The following TMEM132C variants were observed in gnomAD, a reference collection of about 807,000 sequenced individuals.
TMEM132C encodes transmembrane protein 132C, also known as protein phosphatase 1, regulatory subunit 152.
Under a neutral mutation model 61.4 loss-of-function variants are expected in TMEM132C, and 29 were observed. The observed-to-expected ratio is 0.47, with a 90% confidence interval of 0.35 to 0.64. TMEM132C has a LOEUF of 0.64. TMEM132C is among the 30% of genes least tolerant of loss of function. The probability of loss-of-function intolerance (pLI) is 0.00; values close to 1 mark genes in which losing one functional copy is unlikely to be tolerated. For synonymous variants in TMEM132C, 656 were observed against 633.1 expected (o/e 1.04, Z -0.54); for missense variants, 1,408 against 1,476.9 (o/e 0.95, Z 0.76).
At chr12:128,508,987 C>T (rs1216698719) in intron 2 of TMEM132C, among the ~76,000 whole-genome samples, 1 of 152,188 alleles carries the variant, frequency 6.6e-6, no homozygotes, top group Non-Finnish European at 1.5e-5. Flanking sequence ...TTCACATCTG[C>T]AAATCCAGGC....
At chr12:128,490,816 G>A (rs751366464) in intron 2 of TMEM132C, among the ~76,000 whole-genome samples, 2 of 152,184 alleles carry the variant, frequency 1.3e-5, no homozygotes, top group Non-Finnish European at 2.9e-5. Context: ...GTTTCGTAAA[G>A]AGAATAGTGA....
At chr12:128,506,707 C>T (rs929064348) in intron 2 of TMEM132C, among the ~76,000 whole-genome samples, 1 of 152,132 alleles carries the variant, frequency 6.6e-6, no homozygotes, top group Non-Finnish European at 1.5e-5. Context: ...CCCCATGCAC[C>T]ATCCCAGTGG....
At position 128,635,040 on chromosome 12, in the gene TMEM132C, A is replaced by AT. The variant is rs773440063; in HGVS notation, c.1305+18706dup. 7.2e-4 allele frequency among the ~76,000 whole-genome samples: 109 copies of AT among 152,360 alleles called. 1 individual carries two copies. The Middle Eastern group carries it at 0.01, about 14-fold the overall frequency. The stretch of plus-strand genomic sequence containing the variant: ...AAATGCTGGGCTGGTGTGTGTGCAC[A>AT]TATCACCCACAAAAAATAATGGGGA... On this transcript the variant is annotated intron_variant, in intron 4 of 8. Coordinates refer to ENST00000435159, the MANE Select transcript of TMEM132C (RefSeq NM_001136103.3).
chr12:128,417,093 C>T (rs1490039748), intron 2 of TMEM132C, among the ~76,000 whole-genome samples: 1 of 152,130 alleles, frequency 6.6e-6, no homozygotes, highest in Non-Finnish European at 1.5e-5. Context: ...GGTCTGAATA[C>T]TGGGTTTGTT....
intron 1 of TMEM132C, among the ~76,000 whole-genome samples, chr12:128,282,190 CA>C (rs1013104306): frequency 1.3e-5 from 2 of 152,188 alleles, no homozygotes; most frequent in African/African-American, 4.8e-5. Flanking sequence ...TTCTTACAAA[CA>C]AGACATTCTC....
chr12:128,509,767 C>T (rs999712125), intron 2 of TMEM132C, among the ~76,000 whole-genome samples: 1 of 152,136 alleles, frequency 6.6e-6, no homozygotes, highest in South Asian at 2.1e-4. Flanking sequence ...TCCAGGTCGG[C>T]TCTTGGTGGA....
chr12:128,547,565 C>CAAAAAAAAA (rs34135152), intron 3 of TMEM132C, among the ~76,000 whole-genome samples: 1 of 67,624 alleles, frequency 1.5e-5, no homozygotes, highest in Non-Finnish European at 3.3e-5. Flanking sequence ...CTCTGTCTCA[C>CAAAAAAAAA]AAAAAAAAAA....
chr12:128,691,365 ATGACTGTCCTGAAG>A (rs1954718079), intron 5 of TMEM132C, among the ~76,000 whole-genome samples: 2 of 152,238 alleles, frequency 1.3e-5, no homozygotes, highest in Non-Finnish European at 2.9e-5. Flanking sequence ...AAGATCCTTG[ATGACTGTCCTGAAG>A]CAGGCATCCC....
At chr12:128,276,447 A>G (rs1461367832) in intron 1 of TMEM132C, among the ~76,000 whole-genome samples, 2 of 152,220 alleles carry the variant, frequency 1.3e-5, no homozygotes, top group Non-Finnish European at 2.9e-5. Context: ...CCAAAGGTTT[A>G]TATTCTGAGA....
rs12320780 is a variant in TMEM132C, at chr12:128,551,217, C to T, written c.1121+7114C>T. The stretch of plus-strand genomic sequence containing the variant: ...CTCTCAGAAACATAAGAGCCCCCCC[C>T]CTCCCGCTTCCTCCCCTGGTGAAAT... On this transcript the variant is annotated intron_variant, in intron 3 of 8. Transcript: ENST00000435159. Among the ~76,000 whole-genome samples the T allele has an allele frequency of 5.9e-4, 85 of 143,782 alleles. 1 individual carries two copies. The South Asian group carries it at 0.012, about 20-fold the overall frequency. 94.3% of individuals were successfully genotyped at this position (143,782 alleles called of 152,430 possible).
intron 1 of TMEM132C, among the ~76,000 whole-genome samples, chr12:128,320,893 T>G (rs572615819): frequency 6.7e-6 from 1 of 149,444 alleles, no homozygotes; most frequent in Non-Finnish European, 1.5e-5. Context: ...AGAAATGAGA[T>G]GCCATCACCA....
intron 4 of TMEM132C, among the ~76,000 whole-genome samples, chr12:128,643,478 G>A (rs1268079478): frequency 6.6e-6 from 1 of 152,078 alleles, no homozygotes; most frequent in Admixed American, 6.6e-5. Flanking sequence ...CTCACCGAGA[G>A]CAGAGAAAAA....
chr12:128,520,621 G>T (rs1032924484), intron 2 of TMEM132C, among the ~76,000 whole-genome samples: 1 of 152,156 alleles, frequency 6.6e-6, no homozygotes, highest in Non-Finnish European at 1.5e-5. Flanking sequence ...GCATCATAAG[G>T]TATCCAGCAG....
Position 128,576,780 on chromosome 12 carries a change from G to A in TMEM132C, c.1121+32677G>A, listed in dbSNP as rs576447713. Among the ~76,000 whole-genome samples, 78 of 152,320 alleles carry A rather than the reference G, an allele frequency of 5.1e-4. 1 individual carries two copies. Among genetic ancestry groups the A allele is most frequent in the Non-Finnish European group, 9.1e-4 (62 of 68,030 alleles). On this transcript the variant is annotated intron_variant, in intron 3 of 8. Transcript: ENST00000435159. ...CTCCCAGGCCCATGCTTTGGTTGTC[G>A]ACATTGTTGTTGTTGTTGTTGACGA...
intron 2 of TMEM132C, among the ~76,000 whole-genome samples, chr12:128,498,843 T>G (rs1348892428): frequency 6.6e-6 from 1 of 150,734 alleles, no homozygotes; most frequent in Non-Finnish European, 1.5e-5. Context: ...CCCTGAAAAC[T>G]AAAAAAAAAC....
intron 2 of TMEM132C, among the ~76,000 whole-genome samples, chr12:128,418,103 G>C (rs539766689): frequency 6.6e-6 from 1 of 152,282 alleles, no homozygotes; most frequent in South Asian, 2.1e-4. Flanking sequence ...GATATGGCAC[G>C]TGTTATATTT....
intron 5 of TMEM132C, among the ~76,000 whole-genome samples, chr12:128,676,578 C>A (rs80307867): frequency 6.6e-6 from 1 of 152,166 alleles, no homozygotes. Context: ...ACACATATAC[C>A]CACATATACA....
chr12:128,503,218 G>A (rs551167502), intron 2 of TMEM132C, among the ~76,000 whole-genome samples: 23 of 152,208 alleles, frequency 1.5e-4, no homozygotes, highest in Non-Finnish European at 2.6e-4. Context: ...TGTCACATCT[G>A]GAGATACATT....
intron 8 of TMEM132C, among the ~76,000 whole-genome samples, chr12:128,702,240 G>A (rs183808180): frequency 6.6e-6 from 1 of 151,402 alleles, no homozygotes; most frequent in African/African-American, 2.4e-5. Context: ...TCCTTTTAAT[G>A]TCTCTTTAAT....
Sources: gnomAD v4.1 joint callset for allele counts (sites outside exome capture counted in the v4.1 genomes callset) on GRCh38, gnomAD v4.1.1 for gene constraint, MANE v1.5 for transcripts, NCBI Gene and HGNC (gene_info 2026-07-23, HGNC 2026-07-21) for gene names.